The following PRKCB variants were observed in gnomAD, a reference collection of about 807,000 sequenced individuals.
The protein encoded by PRKCB is protein kinase C beta.
A neutral mutation model predicts 81.5 loss-of-function variants in PRKCB; 13 were observed. That is an observed-to-expected ratio of 0.16 (90% confidence interval 0.10 to 0.25). The LOEUF is 0.25. Ranked by LOEUF, PRKCB falls within the 10% of genes least tolerant of loss-of-function variation. The probability of loss-of-function intolerance (pLI) is 1.00; values close to 1 mark genes in which losing one functional copy is unlikely to be tolerated. For synonymous variants in PRKCB, 335 were observed against 321.4 expected (o/e 1.04, Z -0.45); for missense variants, 509 against 875.7 (o/e 0.58, Z 5.29).
chr16:24,219,000 G>A lies in PRKCB; in HGVS notation c.*4184G>A. 9.1e-6 allele frequency: 9 copies of A among 985,384 alleles called. No individual in the cohort carries two copies. Among genetic ancestry groups the A allele is most frequent in the Non-Finnish European group, 1.1e-5 (9 of 829,916 alleles). The allele number at this position is 985,384 out of a possible 1,614,324, so 61.0% of individuals were successfully genotyped here. Reference sequence around the variant, plus strand: ...CTCTCATATGTCATATATAGGAGGTGAGGACTCCAGCTCCACCTGCCCCAG... The same window carrying A: ...CTCTCATATGTCATATATAGGAGGTAAGGACTCCAGCTCCACCTGCCCCAG... On this transcript the variant is annotated 3_prime_UTR_variant, in exon 17 of 17. Coordinates refer to ENST00000643927, the MANE Select transcript of PRKCB (RefSeq NM_002738.7).
At chr16:24,104,553 G>T (rs561054963) in intron 7 of PRKCB, among the ~76,000 whole-genome samples, 3 of 152,312 alleles carry the variant, frequency 2.0e-5, no homozygotes, top group African/African-American at 7.2e-5. Context: ...AAGTAAACAA[G>T]AAATGGGGAC....
At chr16:23,960,233 T>A (rs1040087183) in intron 2 of PRKCB, among the ~76,000 whole-genome samples, 6 of 152,124 alleles carry the variant, frequency 3.9e-5, no homozygotes, top group Non-Finnish European at 7.4e-5. Context: ...TTTTAAAAAA[T>A]TTCACAAAAA....
intron 16 of PRKCB, among the ~76,000 whole-genome samples, chr16:24,201,904 C>T (rs956787830): frequency 9.2e-5 from 14 of 152,014 alleles, no homozygotes; most frequent in South Asian, 2.1e-4. Context: ...GGCGCGGTGG[C>T]GGGCACCTGT....
At chr16:23,921,081 T>C (rs1042614002) in intron 2 of PRKCB, among the ~76,000 whole-genome samples, 1 of 152,160 alleles carries the variant, frequency 6.6e-6, no homozygotes, top group Non-Finnish European at 1.5e-5. Flanking sequence ...ATGAGAACAG[T>C]ATGGGGGAAA....
intron 13 of PRKCB, among the ~76,000 whole-genome samples, chr16:24,183,063 T>A (rs988210343): frequency 3.0e-4 from 46 of 152,134 alleles, no homozygotes; most frequent in African/African-American, 1.1e-3. Flanking sequence ...GGTTTCACCG[T>A]GTTAGCCAGG....
intron 2 of PRKCB, among the ~76,000 whole-genome samples, chr16:23,965,344 A>G (rs987456290): frequency 6.6e-6 from 1 of 152,184 alleles, no homozygotes; most frequent in South Asian, 2.1e-4. Flanking sequence ...TTATGCCTGC[A>G]TAGTATTCCA....
intron 10 of PRKCB, among the ~76,000 whole-genome samples, chr16:24,162,425 C>CA (rs1489239215): frequency 7.0e-6 from 1 of 141,902 alleles, no homozygotes; most frequent in Non-Finnish European, 1.5e-5. Context: ...CCAATAGCTC[C>CA]AAAAAAACAG....
At chr16:24,096,665 AAATATATATATATATATATATATATATAT>A (rs1966446399) in intron 7 of PRKCB, among the ~76,000 whole-genome samples, 2 of 39,288 alleles carry the variant, frequency 5.1e-5, no homozygotes, top group African/African-American at 9.6e-5. Flanking sequence ...AAAAAAAAAA[AAATATATATATATATATATATATATATAT>A]ATATATATAT....
chr16:24,171,859 G>A (rs1181629139), intron 10 of PRKCB, among the ~76,000 whole-genome samples: 3 of 151,872 alleles, frequency 2.0e-5, no homozygotes, highest in African/African-American at 4.8e-5. Flanking sequence ...TCAGCCTCCC[G>A]AGTAGCTGGG....
In PRKCB at chr16:23,920,215, T is replaced by C. The variant is rs75969437; in HGVS notation, c.206-68293T>C. 2.0e-5 allele frequency among the ~76,000 whole-genome samples: 3 copies of C among 152,314 alleles called. No homozygotes were observed. The East Asian group carries it at 5.8e-4, about 29-fold the overall frequency. ...TTAATGGGTATGAGGTGGTATCTCA[T>C]TGTGGTTTTTGATTTGCATTTTGCT... is the stretch of plus-strand genomic sequence containing the variant. On this transcript the variant is annotated intron_variant, in intron 2 of 16. Transcript: ENST00000643927.
intron 10 of PRKCB, among the ~76,000 whole-genome samples, chr16:24,155,867 T>C (rs59922615): frequency 0.037 from 5,705 of 152,272 alleles, 365 homozygotes; most frequent in African/African-American, 0.13. Context: ...CACCTCAACA[T>C]GTTTCCTCTG....
chr16:24,065,555 A>T (rs1264824316), intron 5 of PRKCB, among the ~76,000 whole-genome samples: 2 of 152,198 alleles, frequency 1.3e-5, no homozygotes, highest in African/African-American at 4.8e-5. Context: ...ATAATGCTTC[A>T]TATAATCAGC....
intron 8 of PRKCB, among the ~76,000 whole-genome samples, chr16:24,116,044 G>A (rs1160543582): frequency 2.0e-5 from 3 of 152,174 alleles, no homozygotes; most frequent in Non-Finnish European, 4.4e-5. Context: ...CAAGAGCCCA[G>A]TTACCACACG....
intron 9 of PRKCB, among the ~76,000 whole-genome samples, chr16:24,135,025 A>T (rs1966860294): frequency 6.6e-6 from 1 of 152,134 alleles, no homozygotes; most frequent in African/African-American, 2.4e-5. Flanking sequence ...ATATATTAAT[A>T]TTACATATTA....
intron 2 of PRKCB, among the ~76,000 whole-genome samples, chr16:23,915,647 G>A: frequency 8.4e-6 from 1 of 119,628 alleles, no homozygotes. Flanking sequence ...AGCTTTGATT[G>A]CACCACTGCA....
At chr16:24,124,883 G>A (rs1249668242) in intron 9 of PRKCB, among the ~76,000 whole-genome samples, 1 of 152,104 alleles carries the variant, frequency 6.6e-6, no homozygotes, top group East Asian at 1.9e-4. Flanking sequence ...CATGTACAAT[G>A]CATTGGCGAA....
intron 7 of PRKCB, among the ~76,000 whole-genome samples, chr16:24,096,209 C>T (rs535257187): frequency 3.9e-5 from 6 of 152,004 alleles, no homozygotes; most frequent in South Asian, 4.2e-4. Flanking sequence ...TGCAGTGAGC[C>T]GAGATCATGC....
chr16:23,987,403 G>GA (rs1021065276), intron 2 of PRKCB, among the ~76,000 whole-genome samples: 1 of 138,930 alleles, frequency 7.2e-6, no homozygotes, highest in Non-Finnish European at 1.6e-5. Context: ...GGTTGGGGTG[G>GA]GGGGGGGTGT....
intron 16 of PRKCB, among the ~76,000 whole-genome samples, chr16:24,198,112 T>G (rs1226531440): frequency 6.6e-6 from 1 of 152,186 alleles, no homozygotes; most frequent in Non-Finnish European, 1.5e-5. Context: ...CAGCTCAGAA[T>G]TTTGCTGACT....
Sources: gnomAD v4.1 joint callset for allele counts (sites outside exome capture counted in the v4.1 genomes callset) on GRCh38, gnomAD v4.1.1 for gene constraint, MANE v1.5 for transcripts, NCBI Gene and HGNC (gene_info 2026-07-23, HGNC 2026-07-21) for gene names.